The following STK38 variants were observed in gnomAD, a reference collection of about 807,000 sequenced individuals.
STK38 encodes serine/threonine-protein kinase 38.
A neutral mutation model predicts 59.0 loss-of-function variants in STK38; 26 were observed. The observed-to-expected ratio is 0.44, with a 90% CI of 0.32 to 0.61. The LOEUF (loss-of-function observed/expected upper bound fraction) is 0.61, where lower values mean the gene tolerates loss of function less well. STK38 is among the 20% of genes least tolerant of loss of function. The probability of loss-of-function intolerance (pLI) is 0.04; values close to 1 mark genes in which losing one functional copy is unlikely to be tolerated. For missense variants in STK38, 433 were observed against 566.0 expected, an observed-to-expected ratio of 0.76 and a Z score of 2.38; for synonymous variants, 175 against 176.6, an observed-to-expected ratio of 0.99 and a Z score of 0.07.
At chr6:36,527,366 TACACACACAC>T (rs60339207) in intron 2 of STK38, among the ~76,000 whole-genome samples, 5 of 145,608 alleles carry the variant, frequency 3.4e-5, no homozygotes, top group African/African-American at 1.0e-4. Context: ...TATATATTAG[TACACACACAC>T]ACACACACAT....
At chr6:36,523,714 G>A (rs116581085) in intron 4 of STK38, among the ~76,000 whole-genome samples, 1 of 152,190 alleles carries the variant, frequency 6.6e-6, no homozygotes, top group Non-Finnish European at 1.5e-5. Flanking sequence ...GCCCAAGCAG[G>A]ATCATTTCCA....
At chr6:36,497,749 A>G in intron 12 of STK38, 31 bp downstream of exon 12, 1 of 1,543,396 alleles carries the variant, frequency 6.5e-7, no homozygotes, top group Non-Finnish European at 8.9e-7. Context: ...GACTTTCTGA[A>G]ATAATTCTGA....
chr6:36,542,199 C>A (rs1156734381), intron 1 of STK38, among the ~76,000 whole-genome samples: 3 of 152,094 alleles, frequency 2.0e-5, no homozygotes, highest in Non-Finnish European at 4.4e-5. Context: ...AGTTTATCCA[C>A]AGTTAAAAGA....
At chr6:36,521,525 A>G (rs1390452767) in intron 5 of STK38, among the ~76,000 whole-genome samples, 1 of 152,222 alleles carries the variant, frequency 6.6e-6, no homozygotes, top group Non-Finnish European at 1.5e-5. Flanking sequence ...TCAATTTTTA[A>G]AAGATTGCAT....
chr6:36,528,969 A>C (rs945831945), intron 2 of STK38, among the ~76,000 whole-genome samples: 1 of 152,108 alleles, frequency 6.6e-6, no homozygotes, highest in South Asian at 2.1e-4. Flanking sequence ...AGTGAAGTTA[A>C]CTCCTTGAAC....
intron 2 of STK38, among the ~76,000 whole-genome samples, chr6:36,539,667 AC>A (rs1777884094): frequency 6.6e-6 from 1 of 151,950 alleles, no homozygotes; most frequent in Non-Finnish European, 1.5e-5. Context: ...AGGACTCTAA[AC>A]CCAAGTCTGA....
At chr6:36,527,351 A>ATG (rs1777555788) in intron 2 of STK38, among the ~76,000 whole-genome samples, 2 of 143,696 alleles carry the variant, frequency 1.4e-5, no homozygotes, top group African/African-American at 5.4e-5. Flanking sequence ...TATGTAATAT[A>ATG]TGTATATATA....
intron 2 of STK38, among the ~76,000 whole-genome samples, chr6:36,532,925 A>G (rs982890894): frequency 1.3e-5 from 2 of 151,990 alleles, no homozygotes; most frequent in African/African-American, 4.8e-5. Context: ...TACAAAAATT[A>G]GCCCGACATG....
chr6:36,498,519 A>G (rs1561970865), intron 10 of STK38, 33 bp from the exon 11 acceptor site: 5 of 1,590,410 alleles, frequency 3.1e-6, no homozygotes, highest in Non-Finnish European at 8.5e-7. Context: ...GAGCTTTTAC[A>G]CTCCAGAACT....
intron 1 of STK38, among the ~76,000 whole-genome samples, chr6:36,543,968 A>G (rs1430286288): frequency 6.6e-6 from 1 of 152,268 alleles, no homozygotes; most frequent in South Asian, 2.1e-4. Flanking sequence ...ATTTTAAGAA[A>G]AGTTTTCAGG....
At position 36,515,341 on chromosome 6, in the gene STK38, G is replaced by C. The variant is rs1777223649; in HGVS notation, c.666C>G (p.Ser222Arg). 3.7e-6 allele frequency: 6 copies of C among 1,613,980 alleles called. No individual in the cohort carries two copies. Among genetic ancestry groups the C allele is most frequent in the Non-Finnish European group, 5.1e-6 (6 of 1,179,946 alleles). ...DIKPDNLLLD[S>R]KGHVKLSDFG... is the part of the protein sequence containing the mutation. ...CATGCCAATGCCCCCCCAATACCTT[G>C]CTGTCCAAAAGAAGGTTGTCTGGTT... Residue 222 changes from serine to arginine, a missense_variant, in exon 7 of 14, where the codon AGC (serine) becomes AGG (arginine). Ser to Arg is a moderately radical substitution (Grantham distance 110, BLOSUM62 -1). This residue lies in a region of STK38 where 293 missense variants were observed against 388.2 expected (regional missense o/e 0.75). Transcript: ENST00000229812.
At chr6:36,534,854 AG>A (rs1260139846) in intron 2 of STK38, among the ~76,000 whole-genome samples, 4 of 151,802 alleles carry the variant, frequency 2.6e-5, no homozygotes, top group Non-Finnish European at 5.9e-5. Context: ...AAAAAAAAAA[AG>A]GTGAATAGAT....
At position 36,494,297 on chromosome 6, in the gene STK38, ACTTTC is replaced by A. The variant is rs1044174240; in HGVS notation, c.*1482_*1486del. On this transcript the variant is annotated 3_prime_UTR_variant, in exon 14 of 14. Transcript: ENST00000229812. ...CTTCTGAATGGCTAAGCTAGGACAT[ACTTTC>A]CTTTCAAAGCTGATCTTCAGAACCT... 4.6e-5 allele frequency: 7 copies of A among 152,644 alleles called. No homozygotes were observed. Among genetic ancestry groups the A allele is most frequent in the African/African-American group, 1.4e-4 (6 of 41,442 alleles). 9.5% of individuals were successfully genotyped at this position (152,644 alleles called of 1,614,324 possible).
intron 9 of STK38, among the ~76,000 whole-genome samples, chr6:36,505,255 C>G (rs1049937538): frequency 6.6e-6 from 1 of 152,200 alleles, no homozygotes; most frequent in Non-Finnish European, 1.5e-5. Context: ...ATAGAAGCAT[C>G]TGACCAAATT....
rs545582593 is a variant in STK38 at position 36,495,342 on chromosome 6, T to G, written c.*442A>C. The stretch of plus-strand genomic sequence containing the variant: ...TGTCTTTATTGCTTTATTTCCTTAG[T>G]ACTATGGAACTTTTAGCTATAAAGG... On this transcript the variant is annotated 3_prime_UTR_variant, in exon 14 of 14. Transcript: ENST00000229812. 1.6e-4 allele frequency: 26 copies of G among 166,996 alleles called. No homozygotes were observed. The highest frequency in any genetic ancestry group is 6.0e-4 in the African/African-American group (25 of 41,816). 10.3% of individuals were successfully genotyped at this position (166,996 alleles called of 1,614,324 possible).
intron 3 of STK38, 53 bp downstream of exon 3, chr6:36,525,538 A>C: frequency 6.5e-7 from 1 of 1,543,740 alleles, no homozygotes; most frequent in South Asian, 1.1e-5. Flanking sequence ...TCACTGGACA[A>C]GATACAACCT....
At chr6:36,496,624 C>T in intron 13 of STK38, 87 bp downstream of exon 13, 1 of 950,424 alleles carries the variant, frequency 1.1e-6, no homozygotes, top group Non-Finnish European at 1.7e-6. Context: ...TCTCCATGTT[C>T]ACTACCCTGA....
At position 36,511,347 on chromosome 6, in the gene STK38, CT is replaced by C. The variant is rs374785664; in HGVS notation, c.670-3746del. The stretch of plus-strand genomic sequence containing the variant: ...GCTTTGAGCCTATTAAACTCAGTAT[CT>C]TTTTTTTTTTTCTTCTTTTTCTTTC... On this transcript the variant is annotated intron_variant, in intron 7 of 13. Coordinates refer to ENST00000229812, the MANE Select transcript of STK38 (RefSeq NM_007271.4). Among the ~76,000 whole-genome samples the C allele has an allele frequency of 3.6e-3, 530 of 146,444 alleles. 2 individuals carry two copies. Among genetic ancestry groups the C allele is most frequent in the African/African-American group, 0.012 (464 of 40,266 alleles).
At position 36,515,382 on chromosome 6, in the gene STK38, T is replaced by G. The variant is rs1404123009; in HGVS notation, c.625A>C (p.Ile209Leu). 1 of 1,614,144 alleles carries G rather than the reference T, an allele frequency of 6.2e-7. No individual in the cohort carries two copies. The highest frequency in any genetic ancestry group is 1.1e-5 in the South Asian group (1 of 91,080). The change falls in exon 7 of 14, where the codon ATC becomes CTC. Residue 209 changes from isoleucine (I) to leucine (L), a missense_variant. Physicochemically the swap from Ile to Leu is conservative, Grantham distance 5. This residue lies in a region of STK38 where 293 missense variants were observed against 388.2 expected (regional missense o/e 0.75). Transcript: ENST00000229812. ...TTGTCTGGTTTGATGTCTCTGTGGA[T>G]GAATCCAAGTTGGTGAATAGAGTCT... ...AIDSIHQLGF[I>L]HRDIKPDNLL...
Sources: gnomAD v4.1 joint callset for allele counts (sites outside exome capture counted in the v4.1 genomes callset) on GRCh38, gnomAD v4.1.1 for gene constraint, gnomAD v4.1.1 regional missense constraint, MANE v1.5 for transcripts, NCBI Gene and HGNC (gene_info 2026-07-23, HGNC 2026-07-21) for gene names.